PRKG1: variants seen among roughly 807,000 people sequenced by gnomAD.
PRKG1 encodes the protein protein kinase cGMP-dependent 1.
PRKG1 carries 35 observed loss-of-function variants against 88.1 expected under a neutral mutation model. That is an observed-to-expected ratio of 0.40 (90% CI 0.30 to 0.53). PRKG1 has a LOEUF of 0.53. Ranked by LOEUF, PRKG1 falls within the 20% of genes least tolerant of loss-of-function variation. The probability of loss-of-function intolerance (pLI) is 0.59; values close to 1 mark genes in which losing one functional copy is unlikely to be tolerated. For synonymous variants in PRKG1, 303 were observed against 292.5 expected (o/e 1.04, Z -0.37); for missense variants, 540 against 839.8 (o/e 0.64, Z 4.41).
chr10:50,994,155 A>T (rs1457532051), intron 1 of PRKG1, among the ~76,000 whole-genome samples: 1 of 152,166 alleles, frequency 6.6e-6, no homozygotes, highest in African/African-American at 2.4e-5. Flanking sequence ...GAGTTTAAAA[A>T]GTTTTGACAG....
intron 3 of PRKG1, among the ~76,000 whole-genome samples, chr10:51,796,886 G>A (rs887916294): frequency 6.6e-6 from 1 of 151,940 alleles, no homozygotes; most frequent in Non-Finnish European, 1.5e-5. Flanking sequence ...ATAAATACCC[G>A]CTTATGTGTC....
chr10:51,239,020 G>T (rs1211681768), intron 2 of PRKG1, among the ~76,000 whole-genome samples: 1 of 151,844 alleles, frequency 6.6e-6, no homozygotes, highest in Non-Finnish European at 1.5e-5. Flanking sequence ...TCTAATTAAA[G>T]AATTTGAGGT....
At chr10:51,958,694 T>C in intron 5 of PRKG1, among the ~76,000 whole-genome samples, 1 of 152,048 alleles carries the variant, frequency 6.6e-6, no homozygotes, top group East Asian at 1.9e-4. Flanking sequence ...TTAAATAAAG[T>C]ATATTTCCTG....
intron 3 of PRKG1, among the ~76,000 whole-genome samples, chr10:51,625,486 G>T (rs1346636500): frequency 6.6e-6 from 1 of 151,780 alleles, no homozygotes; most frequent in Non-Finnish European, 1.5e-5. Flanking sequence ...CAATAAAAAA[G>T]AAAGAAAGAA....
chr10:51,621,071 A>G lies in PRKG1; in HGVS notation c.592+153235A>G, dbSNP rs887942211. On this transcript the variant is annotated intron_variant, in intron 3 of 17. Coordinates refer to ENST00000373980, the MANE Select transcript of PRKG1 (RefSeq NM_006258.4). ...GTGTGTGTCATAAACTGACTCCTATATGTATGAGTCATAAACTGACATATA... is the reference window on the plus strand; with the variant it reads ...GTGTGTGTCATAAACTGACTCCTATGTGTATGAGTCATAAACTGACATATA... Among the ~76,000 whole-genome samples, 5 of 146,152 alleles carry G rather than the reference A, an allele frequency of 3.4e-5. 1 individual carries two copies. The East Asian group carries it at 8.5e-4, about 25-fold the overall frequency.
At position 50,991,563 on chromosome 10, in the gene PRKG1, A is replaced by G; in HGVS notation, c.185A>G (p.Gln62Arg). Residue 62 changes from glutamine to arginine, a missense_variant, in exon 1 of 18, where the codon CAG becomes CGG. By Grantham distance (43) the Gln-to-Arg change is conservative. Transcript: ENST00000401604. The surrounding 1 kb of genome is among the most constrained non-coding windows in gnomAD (Gnocchi z 4.5). ...ATCGGCCCCCGGACCACCCGGGCGC[A>G]GGGCATCTCGGCCGAGCCGCAGACG... 1 of 1,606,604 alleles carries G rather than the reference A, an allele frequency of 6.2e-7. No homozygotes were observed. Among genetic ancestry groups the G allele is most frequent in the Non-Finnish European group, 8.5e-7 (1 of 1,177,466 alleles).
chr10:51,567,467 C>T (rs944668993), intron 3 of PRKG1, among the ~76,000 whole-genome samples: 1 of 152,074 alleles, frequency 6.6e-6, no homozygotes, highest in Non-Finnish European at 1.5e-5. Flanking sequence ...CGAGGGAGAC[C>T]ACATTACCCA....
chr10:51,021,097 G>T (rs1459639913), intron 1 of PRKG1, among the ~76,000 whole-genome samples: 2 of 152,120 alleles, frequency 1.3e-5, no homozygotes, highest in African/African-American at 4.8e-5. Flanking sequence ...ATAAAAATGT[G>T]CATTTTATTG....
At chr10:51,234,205 G>A (rs1299441049) in intron 2 of PRKG1, among the ~76,000 whole-genome samples, 2 of 152,028 alleles carry the variant, frequency 1.3e-5, no homozygotes, top group Non-Finnish European at 2.9e-5. Flanking sequence ...GATTCTGCAT[G>A]GTAGTAAAAC....
intron 2 of PRKG1, among the ~76,000 whole-genome samples, chr10:51,311,559 G>A (rs2132490021): frequency 6.6e-6 from 1 of 152,264 alleles, no homozygotes; most frequent in South Asian, 2.1e-4. Flanking sequence ...GCCCACTTTG[G>A]GAAAGACAGA....
intron 4 of PRKG1, among the ~76,000 whole-genome samples, chr10:51,896,127 A>G (rs1589398453): frequency 6.6e-6 from 1 of 152,308 alleles, no homozygotes; most frequent in East Asian, 1.9e-4. Flanking sequence ...TCCAAATCAA[A>G]CACATATGAT....
In PRKG1 at chr10:51,530,367, G is replaced by GAT. The variant is rs201913050; in HGVS notation, c.592+62540_592+62541dup. On this transcript the variant is annotated intron_variant, in intron 3 of 17. Transcript: ENST00000373980. Reference sequence around the variant, plus strand: ...CACTTCAGCTTTTCTTCATATAGCAGATATATATATTATTAAGCAGAGAGC... The same window carrying GAT: ...CACTTCAGCTTTTCTTCATATAGCAGATATATATATATTATTAAGCAGAGAGC... 7.2e-3 allele frequency among the ~76,000 whole-genome samples: 1,095 copies of GAT among 151,950 alleles called. 17 individuals are homozygous for GAT. The highest frequency in any genetic ancestry group is 0.025 in the African/African-American group (1,035 of 41,434).
intron 4 of PRKG1, among the ~76,000 whole-genome samples, chr10:51,843,556 C>T (rs958152154): frequency 2.0e-5 from 3 of 152,170 alleles, no homozygotes; most frequent in East Asian, 1.9e-4. Flanking sequence ...ACAGCAACCA[C>T]GTTCTTCGTT....
At chr10:51,646,789 G>A (rs1839924709) in intron 3 of PRKG1, among the ~76,000 whole-genome samples, 1 of 151,606 alleles carries the variant, frequency 6.6e-6, no homozygotes, top group South Asian at 2.1e-4. Context: ...GCTATATTTG[G>A]TCTTAATGAT....
chr10:51,255,640 TGA>T (rs1839537922), intron 2 of PRKG1, among the ~76,000 whole-genome samples: 1 of 152,158 alleles, frequency 6.6e-6, no homozygotes, highest in East Asian at 1.9e-4. Context: ...GTGAAAGCTG[TGA>T]GAGAGTCGTT....
At chr10:51,153,054 C>G (rs1458830178) in intron 1 of PRKG1, 110 bp from the exon 2 acceptor site, 3 of 608,366 alleles carry the variant, frequency 4.9e-6, no homozygotes, top group Non-Finnish European at 6.8e-6. Flanking sequence ...GGATTCCTAA[C>G]AAGAAAATAC....
chr10:52,282,144 CTT>C lies in PRKG1; in HGVS notation c.1546-7_1546-6del, dbSNP rs765504317. On this transcript the variant is annotated splice_region_variant and splice_polypyrimidine_tract_variant and intron_variant, in intron 13 of 17. Coordinates refer to ENST00000373980, the MANE Select transcript of PRKG1 (RefSeq NM_006258.4). The stretch of plus-strand genomic sequence containing the variant: ...GAGCTTAAGTATCTTGTTTTTCTCT[CTT>C]TGTAAGGTTGATTTTGGCTTTGCAA... The C allele has an allele frequency of 2.5e-6, 4 of 1,582,828 alleles. No individual in the cohort carries two copies. The highest frequency in any genetic ancestry group is 3.4e-6 in the Non-Finnish European group (4 of 1,164,546).
intron 10 of PRKG1, among the ~76,000 whole-genome samples, chr10:52,254,705 C>T (rs1251109535): frequency 6.6e-6 from 1 of 151,932 alleles, no homozygotes; most frequent in African/African-American, 2.4e-5. Flanking sequence ...TTTTATCATT[C>T]ATGTCAATTT....
At position 50,991,615 on chromosome 10, in the gene PRKG1, G is replaced by A; in HGVS notation, c.237G>A (p.Gln79=). 1 of 1,555,258 alleles carries A rather than the reference G, an allele frequency of 6.4e-7. No homozygotes were observed. Among genetic ancestry groups the A allele is most frequent in the Non-Finnish European group, 8.7e-7 (1 of 1,152,234 alleles). ...ACAGGTCCTTCCACGACCTCCGACA[G>A]GCATTCCGGAAGTTCACCAAGTCCG... Residue 79 remains glutamine, a synonymous_variant, in exon 1 of 18, where the codon CAG becomes CAA. Coordinates refer to the PRKG1 transcript ENST00000401604. This position sits in a 1 kb window ranked among gnomAD's most constrained non-coding sequence, Gnocchi z 4.5.
Sources: allele counts gnomAD v4.1 joint callset (sites outside exome capture counted in the v4.1 genomes callset), GRCh38; gene constraint gnomAD v4.1.1; non-coding constraint Gnocchi (gnomAD v3.1); transcripts MANE v1.5; gene names NCBI Gene and HGNC (gene_info 2026-07-23, HGNC 2026-07-21).